The following ZNF749 variants were observed in gnomAD, a reference collection of about 807,000 sequenced individuals.
The protein encoded by ZNF749 is zinc finger protein 749.
In ZNF749, 8 loss-of-function variants were observed where a neutral mutation model predicts 7.3. The observed-to-expected ratio is 1.10, with a 90% confidence interval of 0.64 to 1.98. The LOEUF is 1.98. Ranked by LOEUF, ZNF749 falls within the 30% of genes most tolerant of loss-of-function variation. ZNF749 has a pLI of 0.00. For synonymous variants in ZNF749, 310 were observed against 322.4 expected, an observed-to-expected ratio of 0.96 and a Z score of 0.41; for missense variants, 898 against 932.4, an observed-to-expected ratio of 0.96 and a Z score of 0.48.
upstream of ZNF749, among the ~76,000 whole-genome samples, chr19:57,434,881 C>A (rs1051204014): frequency 5.3e-5 from 8 of 152,196 alleles, no homozygotes; most frequent in African/African-American, 1.9e-4. Context: ...GAGCTGACCG[C>A]TATGAATGGA....
At position 57,444,488 on chromosome 19, in the gene ZNF749, T is replaced by C; in HGVS notation, c.1340T>C (p.Phe447Ser). 2 of 1,614,020 alleles carry C rather than the reference T, an allele frequency of 1.2e-6. No homozygotes were observed. Among genetic ancestry groups the C allele is most frequent in the Non-Finnish European group, 1.7e-6 (2 of 1,179,898 alleles). Reference protein sequence around the residue: ...PYECTECEKAFVRKSHLVQHQ... With the variant: ...PYECTECEKASVRKSHLVQHQ... ...GAGTGCACTGAATGTGAGAAGGCCTTTGTTAGAAAGTCCCACCTAGTTCAG... is the reference window on the plus strand; with the variant it reads ...GAGTGCACTGAATGTGAGAAGGCCTCTGTTAGAAAGTCCCACCTAGTTCAG... Residue 447 changes from phenylalanine (F) to serine (S), a missense_variant, in exon 3 of 3, where the codon TTT becomes TCT. Physicochemically the swap from Phe to Ser is radical, Grantham distance 155 (BLOSUM62 -2). Transcript: ENST00000334181.
rs1027600469 is a variant in ZNF749, at chr19:57,442,295, G to T, written c.142+284G>T. Among the ~76,000 whole-genome samples the T allele has an allele frequency of 3.9e-5, 6 of 152,128 alleles. No individual in the cohort carries two copies. Among genetic ancestry groups the T allele is most frequent in the African/African-American group, 1.4e-4 (6 of 41,424 alleles). On this transcript the variant is annotated intron_variant, in intron 2 of 2. Coordinates refer to ENST00000334181, the MANE Select transcript of ZNF749 (RefSeq NM_001023561.4). This position sits in a 1 kb window ranked among gnomAD's most constrained non-coding sequence, Gnocchi z 6.6. ...TATCCTAATGGCGGTGCCTGTCCCT[G>T]GTTTGATTACTCTGTCCAAATGTGT... is the stretch of plus-strand genomic sequence containing the variant.
At chr19:57,438,110 A>G (rs925990687) in intron 1 of ZNF749, 1 of 398,786 alleles carries the variant, frequency 2.5e-6, no homozygotes, top group African/African-American at 2.1e-5. Context: ...AGGCCGAAAG[A>G]ATGAGGGTCG....
chr19:57,435,585 C>G lies in ZNF749; in HGVS notation c.7C>G (p.Leu3Val), dbSNP rs778704138. Residue 3 changes from leucine (L) to valine (V), a missense_variant, in exon 1 of 3, where the codon CTG becomes GTG. Transcript: ENST00000334181. MNLTEDCMVFEDV... is the reference protein window; with the variant it reads MNVTEDCMVFEDV... Reference sequence around the variant, plus strand: ...ACTGGAGGAGGCCGCGCCGATGAACCTGACCGAGGTGCGTGCAGCGTCCCA... The same window carrying G: ...ACTGGAGGAGGCCGCGCCGATGAACGTGACCGAGGTGCGTGCAGCGTCCCA... 1 of 1,606,592 alleles carries G rather than the reference C, an allele frequency of 6.2e-7. No homozygotes were observed.
chr19:57,431,510 T>C (rs1181374394), upstream of ZNF749, among the ~76,000 whole-genome samples: 2 of 152,176 alleles, frequency 1.3e-5, no homozygotes, highest in African/African-American at 4.8e-5. Context: ...TGGCACTGTC[T>C]GAGAGGAGTG....
rs371975204 is a variant in ZNF749 at position 57,443,777 on chromosome 19, G to A, written c.629G>A (p.Gly210Glu). Residue 210 changes from glycine (G) to glutamate (E), a missense_variant, in exon 3 of 3, where the codon GGG becomes GAG. Physicochemically the swap from Gly to Glu is moderately conservative, Grantham distance 98. Transcript: ENST00000334181. ...QGGKDFCHQH[G>E]LFEHQKTHNG... is the part of the protein sequence containing the mutation. ...GGGAAAGACTTTTGCCACCAACATG[G>A]GCTGTTTGAGCACCAAAAAACCCAT... 1.1e-4 allele frequency: 172 copies of A among 1,614,148 alleles called. 1 individual carries two copies. The Admixed American group carries it at 1.9e-3, about 18-fold the overall frequency.
chr19:57,434,186 C>A (rs2088913939), upstream of ZNF749, among the ~76,000 whole-genome samples: 1 of 152,174 alleles, frequency 6.6e-6, no homozygotes, highest in Non-Finnish European at 1.5e-5. Context: ...TAACCTCCGC[C>A]TCCCGGGTTC....
chr19:57,438,493 T>TC (rs1402958495), intron 1 of ZNF749: 1 of 169,596 alleles, frequency 5.9e-6, no homozygotes, highest in African/African-American at 2.4e-5. Context: ...TCTACGTTCG[T>TC]CCCCCTTCAT....
intron 1 of ZNF749, chr19:57,438,293 A>G: frequency 2.7e-6 from 1 of 376,584 alleles, no homozygotes; most frequent in Non-Finnish European, 4.7e-6. Flanking sequence ...GAAGCCTGTT[A>G]ACAATAATGT....
Position 57,437,884 on chromosome 19 carries a change from C to T in ZNF749, c.15+2291C>T, listed in dbSNP as rs1423697502. Reference sequence around the variant, plus strand: ...AATATGAGCCCTGTGAAGTGGGAACCCTTTTAATCTCCATTTTACACATAA... The same window carrying T: ...AATATGAGCCCTGTGAAGTGGGAACTCTTTTAATCTCCATTTTACACATAA... On this transcript the variant is annotated intron_variant, in intron 1 of 2. Coordinates refer to ENST00000334181, the MANE Select transcript of ZNF749 (RefSeq NM_001023561.4). 9 of 393,258 alleles carry T rather than the reference C, an allele frequency of 2.3e-5. No homozygotes were observed. The East Asian group carries it at 3.2e-4, about 14-fold the overall frequency. The allele number at this position is 393,258 out of a possible 1,614,324, so 24.4% of individuals were successfully genotyped here.
In ZNF749 at chr19:57,444,901, G is replaced by A; in HGVS notation, c.1753G>A (p.Glu585Lys). The A allele has an allele frequency of 1.2e-6, 2 of 1,614,160 alleles. No individual in the cohort carries two copies. Among genetic ancestry groups the A allele is most frequent in the South Asian group, 2.2e-5 (2 of 91,068 alleles). Residue 585 changes from glutamate (E) to lysine (K), a missense_variant, in exon 3 of 3, where the codon GAA becomes AAA. By Grantham distance (56) the Glu-to-Lys change is moderately conservative. Coordinates refer to ENST00000334181, the MANE Select transcript of ZNF749 (RefSeq NM_001023561.4). ...AATCCAGACTGGAGAACGGCGTTAT[G>A]AATGCAATGAATGTGGGAAATTCTT... ...QKIQTGERRY[E>K]CNECGKFFLD...
At chr19:57,430,297 G>A in the ZNF749 span, among the ~76,000 whole-genome samples, 17 of 152,328 alleles carry the variant, frequency 1.1e-4, no homozygotes, top group East Asian at 3.3e-3. Flanking sequence ...AATGGTAGAA[G>A]AGCAAAGAGA....
At chr19:57,429,582 A>T in the ZNF749 span, among the ~76,000 whole-genome samples, 1 of 152,126 alleles carries the variant, frequency 6.6e-6, no homozygotes, top group South Asian at 2.1e-4. This position sits in a 1 kb window ranked among gnomAD's most constrained non-coding sequence, Gnocchi z 4.2. Context: ...GGCTCAAGAG[A>T]TCCTCCTGCC....
chr19:57,434,199 G>C (rs1207072510), upstream of ZNF749, among the ~76,000 whole-genome samples: 1 of 152,196 alleles, frequency 6.6e-6, no homozygotes, highest in Non-Finnish European at 1.5e-5. Context: ...CCGGGTTCAA[G>C]CGATTCTCCT....
chr19:57,437,507 C>T (rs1001754655), intron 1 of ZNF749, among the ~76,000 whole-genome samples: 39 of 151,998 alleles, frequency 2.6e-4, no homozygotes, highest in Admixed American at 2.2e-3. Flanking sequence ...GGGCGGATCA[C>T]GAGGTCAGGA....
chr19:57,443,343 T>G lies in ZNF749; in HGVS notation c.195T>G (p.Ser65=), dbSNP rs2089013239. 7 of 1,614,000 alleles carry G rather than the reference T, an allele frequency of 4.3e-6. No homozygotes were observed. The highest frequency in any genetic ancestry group is 5.9e-6 in the Non-Finnish European group (7 of 1,179,864). Residue 65 remains serine, a synonymous_variant, in exon 3 of 3, where the codon TCT becomes TCG. Coordinates refer to ENST00000334181, the MANE Select transcript of ZNF749 (RefSeq NM_001023561.4). ...AGGTACCTTCCAAGCAGTGTGTTTC[T>G]GTAAGAGTGTTACAGGTCACAATTC... ...DEEVPSKQCV[S]VRVLQVTIPK...
rs1228440793 is a variant in ZNF749 at position 57,445,968 on chromosome 19, A to C, written c.*483A>C. 6.6e-6 allele frequency among the ~76,000 whole-genome samples: 1 copy of C among 152,144 alleles called. No homozygotes were observed. Among genetic ancestry groups the C allele is most frequent in the African/African-American group, 2.4e-5 (1 of 41,424 alleles). ...TTATAATTGTGGCAAATTACAGGTA[A>C]CTTAAAATCTACCATCTTAACCCAT... On this transcript the variant is annotated 3_prime_UTR_variant, in exon 3 of 3. Coordinates refer to ENST00000334181, the MANE Select transcript of ZNF749 (RefSeq NM_001023561.4).
intron 1 of ZNF749, among the ~76,000 whole-genome samples, chr19:57,441,043 T>C (rs549220052): frequency 1.3e-5 from 2 of 148,872 alleles, no homozygotes; most frequent in East Asian, 4.0e-4. Context: ...GGAGAATTGC[T>C]TGAACCTGGG....
chr19:57,439,513 C>T lies in ZNF749; in HGVS notation c.16-2372C>T, dbSNP rs1041318593. 1.3e-5 allele frequency among the ~76,000 whole-genome samples: 2 copies of T among 152,096 alleles called. No individual in the cohort carries two copies. Among genetic ancestry groups the T allele is most frequent in the African/African-American group, 4.8e-5 (2 of 41,402 alleles). On this transcript the variant is annotated intron_variant, in intron 1 of 2. Transcript: ENST00000334181. The surrounding 1 kb of genome is among the most constrained non-coding windows in gnomAD (Gnocchi z 4.3). ...AGTGGCCAGGCATGGTGGATCACAC[C>T]TGTAATCCCAGCACTTTGGGAGGCA...
Sources: gnomAD v4.1 joint callset for allele counts (sites outside exome capture counted in the v4.1 genomes callset) on GRCh38, gnomAD v4.1.1 for gene constraint, Gnocchi (gnomAD v3.1) non-coding constraint, MANE v1.5 for transcripts, NCBI Gene and HGNC (gene_info 2026-07-23, HGNC 2026-07-21) for gene names.